DTYMK: variants seen among roughly 807,000 people sequenced by gnomAD.
The protein encoded by DTYMK is thymidylate kinase.
Under a neutral mutation model 20.3 loss-of-function variants are expected in DTYMK, and 20 were observed. That is an observed-to-expected ratio of 0.99 (90% CI 0.69 to 1.43). The LOEUF (loss-of-function observed/expected upper bound fraction) is 1.43, where lower values mean the gene tolerates loss of function less well. DTYMK is among the 40% of genes most tolerant of loss of function. The pLI is 0.00. For synonymous variants in DTYMK, 148 were observed against 124.4 expected (o/e 1.19, Z -1.27); for missense variants, 320 against 291.1 (o/e 1.10, Z -0.72).
At chr2:241,686,467 C>T (rs1157626173) in intron 1 of DTYMK, among the ~76,000 whole-genome samples, 187 bp downstream of exon 1, 1 of 152,160 alleles carries the variant, frequency 6.6e-6, no homozygotes, top group Non-Finnish European at 1.5e-5. Flanking sequence ...CCGGGAGGTC[C>T]AGGCTGCCGT....
At chr2:241,686,001 T>G in intron 1 of DTYMK, 124 bp from the exon 2 acceptor site, 1 of 916,484 alleles carries the variant, frequency 1.1e-6, no homozygotes, top group Non-Finnish European at 1.6e-6. Flanking sequence ...TTACTAAATC[T>G]CTAGACAGGC....
intron 2 of DTYMK, among the ~76,000 whole-genome samples, chr2:241,682,626 A>G (rs2069285768): frequency 6.6e-6 from 1 of 152,130 alleles, no homozygotes. Context: ...CATTTCCTCA[A>G]AAAATACAAA....
At chr2:241,682,427 G>C (rs1057353194) in intron 2 of DTYMK, 4 of 319,528 alleles carry the variant, frequency 1.3e-5, no homozygotes, top group Non-Finnish European at 1.8e-5. Flanking sequence ...TTTTATAAAG[G>C]ACTGTTATCT....
At chr2:241,680,123 G>T in intron 3 of DTYMK, 106 bp downstream of exon 3, 1 of 1,048,322 alleles carries the variant, frequency 9.5e-7, no homozygotes, top group Non-Finnish European at 1.4e-6. Flanking sequence ...TAAGAATCAC[G>T]AAACTCTGCA....
intron 4 of DTYMK, among the ~76,000 whole-genome samples, chr2:241,678,132 T>C (rs1364722780): frequency 2.0e-5 from 3 of 151,900 alleles, no homozygotes; most frequent in African/African-American, 7.3e-5. Context: ...TAGCCAGGCA[T>C]GATGGCACGT....
rs1559285393 is a variant in DTYMK, at chr2:241,680,326, AAG to A, written c.240-9_240-8del. 1.9e-6 allele frequency: 3 copies of A among 1,614,036 alleles called. No individual in the cohort carries two copies. Among genetic ancestry groups the A allele is most frequent in the Admixed American group, 1.7e-5 (1 of 60,002 alleles). On this transcript the variant is annotated splice_region_variant and splice_polypyrimidine_tract_variant and intron_variant, in intron 2 of 4. Transcript: ENST00000305784. Reference sequence around the variant, plus strand: ...CTTTTCCTTAATTAACGGCCTGAAAAAGAGGATGCTCCTGAGCCCTGGTCCTG... The same window carrying A: ...CTTTTCCTTAATTAACGGCCTGAAAAAGGATGCTCCTGAGCCCTGGTCCTG...
intron 2 of DTYMK, among the ~76,000 whole-genome samples, chr2:241,683,758 A>C (rs953175307): frequency 5.3e-5 from 8 of 152,156 alleles, no homozygotes; most frequent in African/African-American, 1.9e-4. Context: ...AATTAGGGCA[A>C]AAAAGACATG....
At chr2:241,680,970 A>C (rs2069244961) in intron 2 of DTYMK, among the ~76,000 whole-genome samples, 1 of 152,210 alleles carries the variant, frequency 6.6e-6, no homozygotes, top group Non-Finnish European at 1.5e-5. Flanking sequence ...AAGAAAGCAC[A>C]GGCAAAGAAG....
intron 1 of DTYMK, among the ~76,000 whole-genome samples, chr2:241,686,106 C>A (rs1475693923): frequency 6.6e-6 from 1 of 152,108 alleles, no homozygotes; most frequent in Non-Finnish European, 1.5e-5. Context: ...AAAAAGAACT[C>A]GGGTAGAAAG....
chr2:241,675,803 T>A lies in DTYMK; in HGVS notation c.*324A>T, dbSNP rs958196925. Reference sequence around the variant, plus strand: ...GACATTTAGGAGAATTCCAACTGATTACCATTTACAGTGATCACAATGAAA... The same window carrying A: ...GACATTTAGGAGAATTCCAACTGATAACCATTTACAGTGATCACAATGAAA... On this transcript the variant is annotated 3_prime_UTR_variant, in exon 5 of 5. Coordinates refer to ENST00000305784, the MANE Select transcript of DTYMK (RefSeq NM_012145.4). 7.0e-5 allele frequency: 14 copies of A among 198,976 alleles called. 1 individual carries two copies. The Admixed American group carries it at 7.8e-4, about 11-fold the overall frequency. 12.3% of individuals were successfully genotyped at this position (198,976 alleles called of 1,614,324 possible).
intron 2 of DTYMK, chr2:241,684,782 G>C: frequency 2.2e-6 from 1 of 456,422 alleles, no homozygotes; most frequent in Non-Finnish European, 4.5e-6. Context: ...AAGGTGGTAG[G>C]AGAGTTCATA....
chr2:241,677,017 C>T (rs967967825), intron 4 of DTYMK, among the ~76,000 whole-genome samples: 5 of 152,202 alleles, frequency 3.3e-5, no homozygotes, highest in African/African-American at 7.2e-5. Flanking sequence ...GTGCGAGGAG[C>T]GTGGGGAGGG....
chr2:241,686,019 T>G (rs1287516856), intron 1 of DTYMK, 142 bp from the exon 2 acceptor site: 1 of 778,420 alleles, frequency 1.3e-6, no homozygotes, highest in Admixed American at 2.8e-5. Context: ...GGCTTGGATC[T>G]TCTGCGGAAG....
chr2:241,680,846 A>G (rs2069242193), intron 2 of DTYMK, among the ~76,000 whole-genome samples: 1 of 152,206 alleles, frequency 6.6e-6, no homozygotes, highest in Non-Finnish European at 1.5e-5. Context: ...TAACCTTACT[A>G]AATAGTAACA....
intron 1 of DTYMK, among the ~76,000 whole-genome samples, chr2:241,686,167 G>A (rs1192258916): frequency 1.3e-5 from 2 of 152,228 alleles, no homozygotes; most frequent in Admixed American, 6.5e-5. Context: ...GGTGGCCAAA[G>A]ATTAAGGTCA....
chr2:241,677,559 T>C (rs1451665681), intron 4 of DTYMK, among the ~76,000 whole-genome samples: 3 of 152,224 alleles, frequency 2.0e-5, no homozygotes, highest in African/African-American at 7.2e-5. Flanking sequence ...GCGCCCGACG[T>C]GCCAGAAGCC....
At chr2:241,677,011 G>C (rs771399045) in intron 4 of DTYMK, among the ~76,000 whole-genome samples, 1 of 152,226 alleles carries the variant, frequency 6.6e-6, no homozygotes, top group African/African-American at 2.4e-5. Context: ...TGAACGGTGC[G>C]AGGAGCGTGG....
intron 1 of DTYMK, 106 bp from the exon 2 acceptor site, chr2:241,685,983 AT>A: frequency 8.5e-7 from 1 of 1,172,974 alleles, no homozygotes; most frequent in Non-Finnish European, 1.2e-6. Flanking sequence ...CTCACGTTGA[AT>A]TTTACTTTAC....
chr2:241,686,381 A>T (rs1304463888), intron 1 of DTYMK, among the ~76,000 whole-genome samples: 1 of 152,240 alleles, frequency 6.6e-6, no homozygotes, highest in Non-Finnish European at 1.5e-5. Flanking sequence ...AAAGACACGC[A>T]GCGTGGACCG....
Sources: gnomAD v4.1 joint callset for allele counts (sites outside exome capture counted in the v4.1 genomes callset) on GRCh38, gnomAD v4.1.1 for gene constraint, MANE v1.5 for transcripts, NCBI Gene and HGNC (gene_info 2026-07-23, HGNC 2026-07-21) for gene names.